Variants in CLEC2A observed in about 807,000 individuals in gnomAD.
CLEC2A encodes keratinocyte-associated C-type lectin.
CLEC2A carries 19 observed loss-of-function variants against 18.6 expected under a neutral mutation model. That is an observed-to-expected ratio of 1.02 (90% CI 0.71 to 1.50). The LOEUF (loss-of-function observed/expected upper bound fraction) is 1.50, where lower values mean the gene tolerates loss of function less well. CLEC2A is among the 40% of genes most tolerant of loss of function. CLEC2A has a pLI of 0.00. For missense variants in CLEC2A, 190 were observed against 207.9 expected, an observed-to-expected ratio of 0.91 and a Z score of 0.53; for synonymous variants, 74 against 64.0, an observed-to-expected ratio of 1.16 and a Z score of -0.75.
At chr12:9,908,593 G>A (rs1039383697), downstream of CLEC2A, among the ~76,000 whole-genome samples, 2 of 152,130 alleles carry the variant, frequency 1.3e-5, no homozygotes, top group African/African-American at 4.8e-5. Flanking sequence ...CTCTTGGTGG[G>A]ACTTGAGATA....
At chr12:9,926,423 A>G (rs762611253) in intron 1 of CLEC2A, 80 bp from the exon 2 acceptor site, 5 of 844,704 alleles carry the variant, frequency 5.9e-6, no homozygotes, top group Admixed American at 2.1e-5. Context: ...TTCCTCTCCT[A>G]TAATTGTTAA....
the CLEC2A span, among the ~76,000 whole-genome samples, chr12:9,892,567 T>C: frequency 6.6e-6 from 1 of 150,398 alleles, no homozygotes; most frequent in African/African-American, 2.4e-5. Context: ...ATTATTCTCA[T>C]TTTACAGAAC....
At chr12:9,882,642 A>T in the CLEC2A span, among the ~76,000 whole-genome samples, 3 of 152,094 alleles carry the variant, frequency 2.0e-5, no homozygotes, top group African/African-American at 7.2e-5. Flanking sequence ...TTAGCTGGGT[A>T]TGGTGGCGTG....
At chr12:9,910,999 G>A (rs1438582782), downstream of CLEC2A, among the ~76,000 whole-genome samples, 3 of 152,144 alleles carry the variant, frequency 2.0e-5, no homozygotes, top group Admixed American at 2.0e-4. Context: ...TCTGCAGAAG[G>A]GTGCTGCCTG....
chr12:9,883,532 A>C, the CLEC2A span, among the ~76,000 whole-genome samples: 1 of 152,162 alleles, frequency 6.6e-6, no homozygotes, highest in Non-Finnish European at 1.5e-5. Context: ...AAGAAGTTTA[A>C]AGTCTCCCTC....
At chr12:9,911,909 C>T (rs1042689851), downstream of CLEC2A, among the ~76,000 whole-genome samples, 59 of 152,196 alleles carry the variant, frequency 3.9e-4, no homozygotes, top group Non-Finnish European at 1.6e-4. Context: ...TGGCCATGCC[C>T]CCAGGATGTA....
chr12:9,919,298 T>A (rs557848651), intron 3 of CLEC2A, among the ~76,000 whole-genome samples: 1 of 152,330 alleles, frequency 6.6e-6, no homozygotes, highest in East Asian at 1.9e-4. Flanking sequence ...TCCAGAGAGA[T>A]GCAAGTAAGC....
chr12:9,885,011 G>T, the CLEC2A span: 1 of 1,304,928 alleles, frequency 7.7e-7, no homozygotes, highest in Non-Finnish European at 9.8e-7. Context: ...CATTATGACA[G>T]GGATTGACCT....
chr12:9,919,185 ATCTCAGTG>A (rs1244291980), intron 3 of CLEC2A, among the ~76,000 whole-genome samples: 16 of 152,152 alleles, frequency 1.1e-4, no homozygotes, highest in Non-Finnish European at 2.4e-4. Context: ...CTCTTGGGTG[ATCTCAGTG>A]TTTATGTTTC....
rs550039960 is a variant in CLEC2A at position 9,921,318 on chromosome 12, A to G, written c.306+748T>C. On this transcript the variant is annotated intron_variant, in intron 3 of 4. Coordinates refer to ENST00000455827, the MANE Select transcript of CLEC2A (RefSeq NM_001130711.2). ...CCTCAAAAAGTTAACCATGCTGTTTATGGTATCTCATGCTAATTCTAGCAC... is the reference window on the plus strand; with the variant it reads ...CCTCAAAAAGTTAACCATGCTGTTTGTGGTATCTCATGCTAATTCTAGCAC... Among the ~76,000 whole-genome samples the G allele has an allele frequency of 1.7e-4, 26 of 152,280 alleles. 1 individual carries two copies. The South Asian group carries it at 2.7e-3, about 16-fold the overall frequency.
At chr12:9,878,736 G>A in the CLEC2A span, among the ~76,000 whole-genome samples, 3 of 152,102 alleles carry the variant, frequency 2.0e-5, no homozygotes, top group Admixed American at 6.5e-5. Context: ...GGGGTCTGGC[G>A]CCCAGGATGG....
intron 2 of CLEC2A, among the ~76,000 whole-genome samples, chr12:9,925,712 C>A (rs996011555): frequency 2.6e-5 from 4 of 152,026 alleles, no homozygotes; most frequent in Non-Finnish European, 5.9e-5. Flanking sequence ...TTGAAACTTA[C>A]ATTTGTCTTA....
At chr12:9,924,547 A>C (rs772122992) in intron 2 of CLEC2A, among the ~76,000 whole-genome samples, 9 of 152,196 alleles carry the variant, frequency 5.9e-5, no homozygotes, top group African/African-American at 9.6e-5. Context: ...TGCATATGGA[A>C]AATCAAGTGC....
intron 2 of CLEC2A, among the ~76,000 whole-genome samples, chr12:9,922,712 A>T (rs186842496): frequency 2.1e-4 from 32 of 152,222 alleles, no homozygotes; most frequent in Non-Finnish European, 2.5e-4. Flanking sequence ...TTTCATTTAC[A>T]TCCAGTGCTG....
At chr12:9,880,367 T>C in the CLEC2A span, among the ~76,000 whole-genome samples, 1 of 152,138 alleles carries the variant, frequency 6.6e-6, no homozygotes, top group Non-Finnish European at 1.5e-5. Context: ...ATGTAAATAC[T>C]CACAAGTGAC....
At chr12:9,919,023 G>A (rs536064174) in intron 3 of CLEC2A, among the ~76,000 whole-genome samples, 1 of 152,318 alleles carries the variant, frequency 6.6e-6, no homozygotes, top group South Asian at 2.1e-4. Flanking sequence ...GTATTTGTCA[G>A]TTGGGAGACT....
At chr12:9,885,436 T>A in the CLEC2A span, among the ~76,000 whole-genome samples, 7 of 151,982 alleles carry the variant, frequency 4.6e-5, no homozygotes, top group African/African-American at 1.7e-4. Flanking sequence ...CTGTAGCTAT[T>A]CTATTTGAAC....
rs1565537805 is a variant in CLEC2A at position 9,932,260 on chromosome 12, C to G, written c.55+15G>C. 1 of 1,525,658 alleles carries G rather than the reference C, an allele frequency of 6.6e-7. No homozygotes were observed. The highest frequency in any genetic ancestry group is 8.9e-7 in the Non-Finnish European group (1 of 1,123,192). 94.5% of individuals were successfully genotyped at this position (1,525,658 alleles called of 1,614,324 possible). A position where few individuals can be genotyped will look rare whatever the true frequency, so the allele number is the denominator to read the frequency against. ...CTTTCCTTTACTTCCTTCTCATTCA[C>G]TCTATAAAACTTACCTATCCGATGT... is the stretch of plus-strand genomic sequence containing the variant. On this transcript the variant is annotated intron_variant, in intron 1 of 4. Coordinates refer to ENST00000455827, the MANE Select transcript of CLEC2A (RefSeq NM_001130711.2).
rs527600518 is a variant in CLEC2A at position 9,903,548 on chromosome 12, A to G, written c.411-4572T>C. On this transcript the variant is annotated intron_variant, in intron 4 of 4. Coordinates refer to the CLEC2A transcript ENST00000339766. ...TTATGGTTCCACTGGAAGCAGTATT[A>G]TTAGGTATAAAAGTAGAATATTGAG... Among the ~76,000 whole-genome samples, 182 of 152,328 alleles carry G rather than the reference A, an allele frequency of 1.2e-3. 2 individuals are homozygous for G. The highest frequency in any genetic ancestry group is 2.0e-3 in the Non-Finnish European group (133 of 68,024).
Sources: gnomAD v4.1 joint callset for allele counts (sites outside exome capture counted in the v4.1 genomes callset) on GRCh38, gnomAD v4.1.1 for gene constraint, MANE v1.5 for transcripts, NCBI Gene and HGNC (gene_info 2026-07-23, HGNC 2026-07-21) for gene names.